The following LPP variants were observed in gnomAD, a reference collection of about 807,000 sequenced individuals.
LPP encodes lipoma-preferred partner.
In LPP, 38 loss-of-function variants were observed where a neutral mutation model predicts 60.4. The observed-to-expected ratio is 0.63, with a 90% CI of 0.49 to 0.83. The LOEUF is 0.83. LPP is among the 40% of genes least tolerant of loss of function. The pLI is 0.00. For synonymous variants in LPP, 328 were observed against 290.8 expected, an observed-to-expected ratio of 1.13 and a Z score of -1.30; for missense variants, 902 against 783.6, an observed-to-expected ratio of 1.15 and a Z score of -1.80.
intron 9 of LPP, among the ~76,000 whole-genome samples, chr3:188,824,053 G>A (rs1289607098): frequency 6.6e-6 from 1 of 152,060 alleles, no homozygotes; most frequent in Middle Eastern, 3.2e-3. Flanking sequence ...TCAAAAATAT[G>A]TATTTAAGTA....
At chr3:188,406,992 G>T (rs760464767) in intron 4 of LPP, among the ~76,000 whole-genome samples, 1 of 151,756 alleles carries the variant, frequency 6.6e-6, no homozygotes, top group Non-Finnish European at 1.5e-5. Flanking sequence ...AGTATAAATG[G>T]TACCATACTC....
At chr3:188,683,496 G>A (rs1859980357) in intron 7 of LPP, among the ~76,000 whole-genome samples, 1 of 152,134 alleles carries the variant, frequency 6.6e-6, no homozygotes, top group Non-Finnish European at 1.5e-5. Flanking sequence ...CATTTTGACT[G>A]CTAGTTCTAT....
rs75552682 is a variant in LPP, at chr3:188,552,238, T to C, written c.429+27451T>C. Among the ~76,000 whole-genome samples, 398 of 152,250 alleles carry C rather than the reference T, an allele frequency of 2.6e-3. 2 individuals are homozygous for C. The highest frequency in any genetic ancestry group is 6.8e-3 in the Middle Eastern group (2 of 294). ...TGAAGTGATTTCTACAGTAGCTCTA[T>C]AGCTAGCAACCCAGCATTGGATAAA... On this transcript the variant is annotated intron_variant, in intron 6 of 11. Transcript: ENST00000617246.
intron 2 of LPP, among the ~76,000 whole-genome samples, chr3:188,330,089 A>G (rs914391182): frequency 2.8e-4 from 42 of 152,256 alleles, no homozygotes; most frequent in African/African-American, 9.9e-4. Flanking sequence ...AGGTTGCCCA[A>G]TAAAACTTGC....
At chr3:188,209,380 C>T (rs1038514680) in intron 1 of LPP, among the ~76,000 whole-genome samples, 1 of 152,178 alleles carries the variant, frequency 6.6e-6, no homozygotes. Flanking sequence ...GCCTTGACGG[C>T]GAACAGTGCC....
intron 7 of LPP, among the ~76,000 whole-genome samples, chr3:188,672,427 C>T (rs1857131357): frequency 6.6e-6 from 1 of 151,994 alleles, no homozygotes; most frequent in Admixed American, 6.6e-5. Flanking sequence ...GTTTATGCAA[C>T]TTTTTCTTAT....
At chr3:188,820,415 CA>C (rs1444323393) in intron 9 of LPP, among the ~76,000 whole-genome samples, 2 of 152,126 alleles carry the variant, frequency 1.3e-5, no homozygotes, top group Admixed American at 1.3e-4. Flanking sequence ...CACTAAAAAA[CA>C]AAAAGTGTGT....
At chr3:188,803,452 C>T (rs1438437476) in intron 9 of LPP, among the ~76,000 whole-genome samples, 2 of 152,070 alleles carry the variant, frequency 1.3e-5, no homozygotes, top group Non-Finnish European at 2.9e-5. Flanking sequence ...TTAGGTGTTA[C>T]TTTTAGGTGT....
chr3:188,800,107 A>G (rs1281380863), intron 9 of LPP, among the ~76,000 whole-genome samples: 1 of 151,278 alleles, frequency 6.6e-6, no homozygotes, highest in Non-Finnish European at 1.5e-5. Flanking sequence ...GTGATATAGA[A>G]TTCTATAGGA....
chr3:188,743,608 C>G (rs1252368004), intron 8 of LPP: 2 of 151,958 alleles, frequency 1.3e-5, no homozygotes, highest in African/African-American at 4.8e-5. Flanking sequence ...ATCAATCAAG[C>G]AACCAATGAA....
At chr3:188,688,018 A>G (rs967157012) in intron 7 of LPP, among the ~76,000 whole-genome samples, 3 of 151,964 alleles carry the variant, frequency 2.0e-5, no homozygotes, top group African/African-American at 7.3e-5. Flanking sequence ...ATTTTTTTGA[A>G]ACACAATTCT....
At chr3:188,575,550 C>A (rs57801260) in intron 6 of LPP, among the ~76,000 whole-genome samples, 38,984 of 151,928 alleles carry the variant, frequency 0.26, 5,235 homozygotes, top group African/African-American at 0.32. Context: ...ATTTTGGATC[C>A]GGTCCACCTT....
chr3:188,304,432 G>C (rs138716761), intron 2 of LPP, among the ~76,000 whole-genome samples: 4 of 152,274 alleles, frequency 2.6e-5, no homozygotes, highest in African/African-American at 9.6e-5. Flanking sequence ...CGAATGTTAA[G>C]TTACTAAATT....
chr3:188,564,993 T>A (rs1831777761), intron 6 of LPP, among the ~76,000 whole-genome samples: 1 of 151,932 alleles, frequency 6.6e-6, no homozygotes, highest in Non-Finnish European at 1.5e-5. Flanking sequence ...CCATTCCATC[T>A]CTGCTCCCAG....
intron 7 of LPP, among the ~76,000 whole-genome samples, chr3:188,622,185 C>T (rs1253339149): frequency 6.6e-6 from 1 of 152,148 alleles, no homozygotes; most frequent in Non-Finnish European, 1.5e-5. Context: ...TTTTTGCAGA[C>T]TTTATGTTCA....
intron 8 of LPP, among the ~76,000 whole-genome samples, chr3:188,731,524 T>TTG (rs1720553291): frequency 6.6e-6 from 1 of 151,568 alleles, no homozygotes; most frequent in African/African-American, 2.4e-5. Flanking sequence ...TTTTTTTGTT[T>TTG]TGTTTTGTTT....
At chr3:188,714,067 T>G (rs1433988778) in intron 8 of LPP, among the ~76,000 whole-genome samples, 1 of 152,148 alleles carries the variant, frequency 6.6e-6, no homozygotes, top group Non-Finnish European at 1.5e-5. Flanking sequence ...GATGTCTTCA[T>G]TTCATTTTTT....
intron 9 of LPP, among the ~76,000 whole-genome samples, chr3:188,818,025 T>C (rs1195923177): frequency 2.0e-5 from 3 of 152,240 alleles, no homozygotes; most frequent in Non-Finnish European, 4.4e-5. Context: ...CTCTCCTCTC[T>C]GCTAGTGAGG....
chr3:188,275,951 G>A (rs1739518334), intron 2 of LPP, among the ~76,000 whole-genome samples: 1 of 152,332 alleles, frequency 6.6e-6, no homozygotes, highest in Admixed American at 6.5e-5. Context: ...TGGGATTACA[G>A]GCATGAGGTA....
Sources: allele counts gnomAD v4.1 joint callset (sites outside exome capture counted in the v4.1 genomes callset), GRCh38; gene constraint gnomAD v4.1.1; transcripts MANE v1.5; gene names NCBI Gene and HGNC (gene_info 2026-07-23, HGNC 2026-07-21).